The following CTNNA3 variants were observed in gnomAD, a reference collection of about 807,000 sequenced individuals.
CTNNA3 encodes catenin alpha-3.
A neutral mutation model predicts 95.7 loss-of-function variants in CTNNA3; 76 were observed. That is an observed-to-expected ratio of 0.79 (90% CI 0.66 to 0.96). The LOEUF is 0.96. CTNNA3 is among the 40% of genes least tolerant of loss of function. CTNNA3 has a pLI of 0.00. For synonymous variants in CTNNA3, 431 were observed against 374.4 expected, an observed-to-expected ratio of 1.15 and a Z score of -1.74; for missense variants, 1,191 against 1,089.8, an observed-to-expected ratio of 1.09 and a Z score of -1.31.
chr10:66,989,487 A>G (rs185669490), intron 7 of CTNNA3, among the ~76,000 whole-genome samples: 244 of 152,320 alleles, frequency 1.6e-3, no homozygotes, highest in African/African-American at 5.0e-3. Context: ...AGTGCTGCAG[A>G]TGCCACACTA....
At chr10:66,266,437 G>T (rs1342913754) in intron 13 of CTNNA3, among the ~76,000 whole-genome samples, 1 of 151,994 alleles carries the variant, frequency 6.6e-6, no homozygotes, top group African/African-American at 2.4e-5. Flanking sequence ...TAAGGCATTT[G>T]AAGGAGAAAA....
intron 13 of CTNNA3, among the ~76,000 whole-genome samples, chr10:66,238,267 C>A (rs754925538): frequency 6.6e-6 from 1 of 151,866 alleles, no homozygotes; most frequent in Non-Finnish European, 1.5e-5. Flanking sequence ...TTAAATAACT[C>A]AAGTCTGAAA....
At chr10:66,426,694 T>C (rs1247359473) in intron 11 of CTNNA3, among the ~76,000 whole-genome samples, 1 of 151,886 alleles carries the variant, frequency 6.6e-6, no homozygotes, top group Non-Finnish European at 1.5e-5. Context: ...CTTTATTCCA[T>C]GATATAACCA....
At chr10:66,540,159 A>G (rs1841799898) in intron 10 of CTNNA3, among the ~76,000 whole-genome samples, 1 of 152,146 alleles carries the variant, frequency 6.6e-6, no homozygotes. Flanking sequence ...AATAGAATAT[A>G]TAATCTATTT....
chr10:66,560,037 A>G (rs1842505422), intron 10 of CTNNA3, among the ~76,000 whole-genome samples: 1 of 152,122 alleles, frequency 6.6e-6, no homozygotes. Flanking sequence ...ACGGGATTGC[A>G]TGACTCACAG....
At position 66,102,383 on chromosome 10, in the gene CTNNA3, T is replaced by C. The variant is rs149623201; in HGVS notation, c.1977+774A>G. ...GTTAATTCCCACAGTAATCCTCATA[T>C]GAAGGATACTATTAGTATCTCTGCT... On this transcript the variant is annotated intron_variant, in intron 14 of 17. Transcript: ENST00000433211. Among the ~76,000 whole-genome samples, 230 of 152,266 alleles carry C rather than the reference T, an allele frequency of 1.5e-3. 1 individual carries two copies. The highest frequency in any genetic ancestry group is 5.1e-3 in the African/African-American group (213 of 41,546).
At position 66,745,587 on chromosome 10, in the gene CTNNA3, C is replaced by CTTT. The variant is rs368932444; in HGVS notation, c.1281+20674_1281+20676dup. On this transcript the variant is annotated intron_variant, in intron 9 of 17. Transcript: ENST00000433211. ...TCTAATGGTATATAATGCAGACAGCCTTTTTTTTTTTTTTTTTTTTGAGAC... is the reference window on the plus strand; with the variant it reads ...TCTAATGGTATATAATGCAGACAGCCTTTTTTTTTTTTTTTTTTTTTTTGAGAC... Among the ~76,000 whole-genome samples the CTTT allele has an allele frequency of 1.8e-3, 200 of 109,640 alleles. 11 individuals carry two copies. The highest frequency in any genetic ancestry group is 4.4e-3 in the Admixed American group (39 of 8,876). 71.9% of individuals were successfully genotyped at this position (109,640 alleles called of 152,430 possible).
At chr10:67,054,338 A>AC (rs1855294150) in intron 7 of CTNNA3, among the ~76,000 whole-genome samples, 1 of 152,174 alleles carries the variant, frequency 6.6e-6, no homozygotes, top group Non-Finnish European at 1.5e-5. Context: ...CAGAGATGTG[A>AC]CCTATAGGTT....
intron 13 of CTNNA3, among the ~76,000 whole-genome samples, chr10:66,241,495 C>T (rs561257301): frequency 4.5e-4 from 68 of 152,124 alleles, no homozygotes; most frequent in Non-Finnish European, 9.0e-4. Context: ...GATATTAAGA[C>T]CTTAGGAGAA....
chr10:67,236,806 TA>T (rs1865483525), intron 5 of CTNNA3, among the ~76,000 whole-genome samples: 2 of 151,668 alleles, frequency 1.3e-5, no homozygotes, highest in Non-Finnish European at 2.9e-5. Context: ...AGAATAGCCA[TA>T]ATCAAAAAAT....
intron 5 of CTNNA3, among the ~76,000 whole-genome samples, chr10:67,392,308 C>G (rs1212079056): frequency 6.6e-6 from 1 of 152,160 alleles, no homozygotes; most frequent in Non-Finnish European, 1.5e-5. Flanking sequence ...TGAAAAAATG[C>G]TCATCATCAC....
At chr10:67,760,620 C>T (rs373264153) in intron 1 of CTNNA3, among the ~76,000 whole-genome samples, 2 of 146,838 alleles carry the variant, frequency 1.4e-5, no homozygotes, top group East Asian at 4.0e-4. Context: ...CCGGGCCACA[C>T]AGCAGGAGGT....
intron 7 of CTNNA3, among the ~76,000 whole-genome samples, chr10:67,069,093 AAAG>A (rs1856275744): frequency 6.6e-6 from 1 of 152,024 alleles, no homozygotes; most frequent in Non-Finnish European, 1.5e-5. Flanking sequence ...AGAAACAGAA[AAAG>A]AAAAAGAAGA....
intron 9 of CTNNA3, among the ~76,000 whole-genome samples, chr10:66,748,559 T>G (rs1838981498): frequency 6.6e-6 from 1 of 152,158 alleles, no homozygotes; most frequent in Admixed American, 6.6e-5. Flanking sequence ...AAATTAAAAT[T>G]TTCATGAATA....
At chr10:66,786,823 C>T (rs1486199128) in intron 7 of CTNNA3, among the ~76,000 whole-genome samples, 5 of 151,950 alleles carry the variant, frequency 3.3e-5, no homozygotes, top group Admixed American at 2.0e-4. Context: ...AGAATATTGA[C>T]CATTCTTAGA....
At chr10:66,062,467 G>T (rs2080222938) in intron 15 of CTNNA3, among the ~76,000 whole-genome samples, 1 of 151,996 alleles carries the variant, frequency 6.6e-6, no homozygotes, top group African/African-American at 2.4e-5. Flanking sequence ...TGCAATGAAA[G>T]AAATGTGACA....
chr10:66,147,288 T>G (rs1436255297), intron 13 of CTNNA3, among the ~76,000 whole-genome samples: 1 of 152,118 alleles, frequency 6.6e-6, no homozygotes, highest in African/African-American at 2.4e-5. Flanking sequence ...ATATTCTTCT[T>G]TTTTAAAAAA....
chr10:67,533,973 T>C (rs992141237), intron 4 of CTNNA3, among the ~76,000 whole-genome samples: 2 of 150,788 alleles, frequency 1.3e-5, no homozygotes, highest in South Asian at 2.1e-4. Flanking sequence ...TTAAAAAAAA[T>C]TGTGAGCTCA....
At chr10:67,691,750 G>A (rs1347950738) in intron 1 of CTNNA3, among the ~76,000 whole-genome samples, 2 of 150,272 alleles carry the variant, frequency 1.3e-5, no homozygotes, top group African/African-American at 2.5e-5. Flanking sequence ...CACCTCGTCC[G>A]GGAGGGAGGT....
Sources: allele counts gnomAD v4.1 joint callset (sites outside exome capture counted in the v4.1 genomes callset), GRCh38; gene constraint gnomAD v4.1.1; transcripts MANE v1.5; gene names NCBI Gene and HGNC (gene_info 2026-07-23, HGNC 2026-07-21).